PREX1: variants seen among roughly 807,000 people sequenced by gnomAD.
PREX1 encodes the protein phosphatidylinositol 3,4,5-trisphosphate-dependent Rac exchanger 1 protein.
A neutral mutation model predicts 198.3 loss-of-function variants in PREX1; 41 were observed. That is an observed-to-expected ratio of 0.21 (90% CI 0.16 to 0.27). PREX1 has a LOEUF of 0.27. Among genes scored for constraint, PREX1 ranks in the 10% least tolerant of loss-of-function variants. PREX1 has a pLI of 1.00. For missense variants in PREX1, 1,620 were observed against 2,200.7 expected (o/e 0.74, Z 5.28); for synonymous variants, 843 against 887.2 (o/e 0.95, Z 0.89).
At chr20:48,704,316 C>CCA (rs2089891679) in intron 6 of PREX1, among the ~76,000 whole-genome samples, 1 of 152,214 alleles carries the variant, frequency 6.6e-6, no homozygotes, top group African/African-American at 2.4e-5. Context: ...GCAGGAGTCT[C>CCA]CAAGGGGAGA....
intron 36 of PREX1, among the ~76,000 whole-genome samples, chr20:48,630,109 C>A (rs542493851): frequency 6.6e-6 from 1 of 152,186 alleles, no homozygotes; most frequent in South Asian, 2.1e-4. Context: ...CCACCCTCCT[C>A]CCGGAGCCCC....
At chr20:48,862,798 T>TATATAC in the PREX1 span, among the ~76,000 whole-genome samples, 1 of 106,344 alleles carries the variant, frequency 9.4e-6, no homozygotes, top group Non-Finnish European at 2.1e-5. Context: ...AAAATATATA[T>TATATAC]ATATATATAT....
intron 13 of PREX1, among the ~76,000 whole-genome samples, chr20:48,678,413 TG>T (rs2089723975): frequency 6.6e-6 from 1 of 151,038 alleles, no homozygotes; most frequent in Non-Finnish European, 1.5e-5. Flanking sequence ...GAGACTGCAG[TG>T]AGCTGTGATT....
intron 30 of PREX1, among the ~76,000 whole-genome samples, chr20:48,638,779 C>T (rs930415081): frequency 1.4e-4 from 22 of 152,176 alleles, no homozygotes; most frequent in Admixed American, 9.8e-4. Context: ...CCTGACCACA[C>T]GGGAAGGAGG....
intron 1 of PREX1, among the ~76,000 whole-genome samples, chr20:48,774,355 G>T (rs949061731): frequency 6.6e-6 from 1 of 152,246 alleles, no homozygotes; most frequent in Non-Finnish European, 1.5e-5. Context: ...GGGAGGGGTT[G>T]AAAGCTGCTA....
intron 3 of PREX1, among the ~76,000 whole-genome samples, chr20:48,744,313 G>T (rs2090097766): frequency 6.6e-6 from 1 of 152,116 alleles, no homozygotes; most frequent in South Asian, 2.1e-4. Context: ...TCTGAGTCTG[G>T]CCATCAACCT....
At chr20:48,790,165 T>C (rs1473422512) in intron 1 of PREX1, among the ~76,000 whole-genome samples, 1 of 152,106 alleles carries the variant, frequency 6.6e-6, no homozygotes, top group East Asian at 1.9e-4. Context: ...AATGGGACAA[T>C]AGGAACACTT....
rs757942603 is a variant in PREX1, at chr20:48,637,695, C to T, written c.3946+16G>A. On this transcript the variant is annotated intron_variant, in intron 31 of 39. Transcript: ENST00000371941. ...AGGCCGGGTATGTGCCCCCCACACA[C>T]CTTTAAAGGCCTCACCTGTGCACTT... 1.0e-5 allele frequency: 16 copies of T among 1,605,968 alleles called. No homozygotes were observed. In the South Asian group the frequency reaches 1.8e-4, roughly 18 times the overall value.
intron 1 of PREX1, among the ~76,000 whole-genome samples, chr20:48,782,272 G>T (rs1007970917): frequency 1.3e-5 from 2 of 152,128 alleles, no homozygotes. Flanking sequence ...GAATCATGGG[G>T]GAAGTTTCCC....
intron 7 of PREX1, among the ~76,000 whole-genome samples, chr20:48,697,248 T>C (rs1398939267): frequency 1.3e-5 from 2 of 152,308 alleles, no homozygotes; most frequent in Middle Eastern, 3.4e-3. Context: ...TTTTACTCTA[T>C]AAAAACAACC....
At chr20:48,733,534 T>G (rs1455091939) in intron 4 of PREX1, among the ~76,000 whole-genome samples, 4 of 152,186 alleles carry the variant, frequency 2.6e-5, no homozygotes, top group Non-Finnish European at 5.9e-5. Context: ...GAGGCCACCC[T>G]GTTACCACTT....
intron 5 of PREX1, among the ~76,000 whole-genome samples, chr20:48,720,631 TCTG>T (rs2089980970): frequency 6.6e-6 from 1 of 151,942 alleles, no homozygotes; most frequent in African/African-American, 2.4e-5. Context: ...TAAAGTCTGC[TCTG>T]GTGCCACCTA....
chr20:48,709,362 T>C (rs750382110), intron 5 of PREX1, among the ~76,000 whole-genome samples: 1 of 152,338 alleles, frequency 6.6e-6, no homozygotes, highest in African/African-American at 2.4e-5. Context: ...CCCGCAGATG[T>C]GACACTCTTG....
chr20:48,858,997 G>C, the PREX1 span, among the ~76,000 whole-genome samples: 1 of 152,128 alleles, frequency 6.6e-6, no homozygotes, highest in Non-Finnish European at 1.5e-5. Flanking sequence ...TTTGGCTCAA[G>C]TGATCCTCCC....
chr20:48,679,530 T>C, intron 12 of PREX1, 121 bp from the exon 13 acceptor site: 1 of 1,366,876 alleles, frequency 7.3e-7, no homozygotes, highest in Non-Finnish European at 1.0e-6. Context: ...GGGGCAGGGG[T>C]GAGTTGTGGG....
intron 16 of PREX1, among the ~76,000 whole-genome samples, chr20:48,659,009 G>A (rs1375293390): frequency 2.0e-5 from 3 of 151,792 alleles, no homozygotes; most frequent in Non-Finnish European, 2.9e-5. Context: ...CGGGTTGATC[G>A]CTTGATCCCA....
intron 1 of PREX1, among the ~76,000 whole-genome samples, chr20:48,786,843 A>AAGAG (rs1032375808): frequency 2.7e-5 from 4 of 149,898 alleles, no homozygotes; most frequent in Non-Finnish European, 5.9e-5. Flanking sequence ...AAGAAAGAAA[A>AAGAG]AGAGAGAGAG....
chr20:48,679,494 C>T (rs1250136224), intron 12 of PREX1, 85 bp from the exon 13 acceptor site: 3 of 1,480,230 alleles, frequency 2.0e-6, no homozygotes, highest in African/African-American at 2.8e-5. Context: ...GAGATGGCTT[C>T]CAGGACGGGG....
chr20:48,645,717 G>A (rs1292876750), intron 26 of PREX1, 134 bp downstream of exon 26: 12 of 1,010,242 alleles, frequency 1.2e-5, no homozygotes, highest in East Asian at 5.3e-5. Context: ...CCAGAACCAC[G>A]CTATCAGCAA....
Sources: gnomAD v4.1 joint callset for allele counts (sites outside exome capture counted in the v4.1 genomes callset) on GRCh38, gnomAD v4.1.1 for gene constraint, MANE v1.5 for transcripts, NCBI Gene and HGNC (gene_info 2026-07-23, HGNC 2026-07-21) for gene names.